DIP2B: variants seen among roughly 807,000 people sequenced by gnomAD.
DIP2B encodes disco-interacting protein 2 homolog B.
In DIP2B, 76 loss-of-function variants were observed where a neutral mutation model predicts 198.0. The ratio of observed to expected loss-of-function variants is 0.38; its 90% CI spans 0.32 to 0.46. The LOEUF (loss-of-function observed/expected upper bound fraction) is 0.46. DIP2B is among the 20% of genes least tolerant of loss of function. DIP2B has a pLI of 0.99. For missense variants in DIP2B, 1,559 were observed against 1,978.4 expected (o/e 0.79, Z 4.02); for synonymous variants, 701 against 739.1 (o/e 0.95, Z 0.84).
In DIP2B at chr12:50,572,239, T is replaced by C. The variant is rs527896679; in HGVS notation, c.101-53737T>C. 3.3e-5 allele frequency among the ~76,000 whole-genome samples: 5 copies of C among 152,340 alleles called. No homozygotes were observed. The South Asian group carries it at 1.0e-3, about 32-fold the overall frequency. ...TCTATTATGTGTTGATATAAAAATA[T>C]TATCCCCAGACTAAGACCACAGTTT... On this transcript the variant is annotated intron_variant, in intron 1 of 37. Transcript: ENST00000301180.
At position 50,665,946 on chromosome 12, in the gene DIP2B, G is replaced by A. The variant is rs149423514; in HGVS notation, c.428-5240G>A. Among the ~76,000 whole-genome samples, 15 of 152,278 alleles carry A rather than the reference G, an allele frequency of 9.9e-5. No homozygotes were observed. The East Asian group carries it at 2.7e-3, about 27-fold the overall frequency. On this transcript the variant is annotated intron_variant, in intron 4 of 37. Coordinates refer to ENST00000301180, the MANE Select transcript of DIP2B (RefSeq NM_173602.3). ...ACTTAGAATACCTGCTGATTTACCA[G>A]GTTGGGGAGTCTTTCCTAAATATTC...
intron 1 of DIP2B, among the ~76,000 whole-genome samples, chr12:50,546,626 T>G (rs1233052823): frequency 1.3e-5 from 2 of 152,224 alleles, no homozygotes; most frequent in African/African-American, 2.4e-5. Flanking sequence ...ACATTCTTGC[T>G]AGGATTAAAT....
At chr12:50,558,989 A>G (rs1958494702) in intron 1 of DIP2B, among the ~76,000 whole-genome samples, 1 of 152,196 alleles carries the variant, frequency 6.6e-6, no homozygotes, top group Non-Finnish European at 1.5e-5. Flanking sequence ...ATTTTCTGCA[A>G]GGGGAAAATA....
intron 1 of DIP2B, among the ~76,000 whole-genome samples, chr12:50,506,985 C>A (rs1044474326): frequency 2.0e-5 from 3 of 152,142 alleles, no homozygotes; most frequent in African/African-American, 7.2e-5. Context: ...ATATCTGCTT[C>A]CAGCTGATTG....
chr12:50,593,159 C>T (rs1365596349), intron 1 of DIP2B, among the ~76,000 whole-genome samples: 1 of 152,110 alleles, frequency 6.6e-6, no homozygotes, highest in Non-Finnish European at 1.5e-5. Context: ...TGTGTATAGC[C>T]CTAGACTTAA....
intron 26 of DIP2B, 92 bp downstream of exon 26, chr12:50,721,488 G>A: frequency 6.4e-7 from 1 of 1,554,154 alleles, no homozygotes; most frequent in South Asian, 1.2e-5. Context: ...TACTCTCTAT[G>A]ACTTGCAAGC....
chr12:50,591,632 T>C (rs994078239), intron 1 of DIP2B, among the ~76,000 whole-genome samples: 2 of 151,638 alleles, frequency 1.3e-5, no homozygotes, highest in Non-Finnish European at 2.9e-5. Context: ...TTCTTTCTTT[T>C]TTTTTTTAAT....
At chr12:50,590,346 C>T (rs1049216875) in intron 1 of DIP2B, among the ~76,000 whole-genome samples, 10 of 151,706 alleles carry the variant, frequency 6.6e-5, no homozygotes, top group African/African-American at 2.2e-4. Context: ...TAATTGAGGA[C>T]AGTTGTGGCC....
At chr12:50,644,867 A>T (rs187732576) in intron 3 of DIP2B, among the ~76,000 whole-genome samples, 29 of 152,328 alleles carry the variant, frequency 1.9e-4, no homozygotes, top group Admixed American at 1.6e-3. Context: ...CATATCATAT[A>T]TAAAAATGCT....
intron 1 of DIP2B, among the ~76,000 whole-genome samples, chr12:50,565,035 AT>A (rs1218224698): frequency 6.6e-6 from 1 of 151,808 alleles, no homozygotes; most frequent in African/African-American, 2.4e-5. Context: ...GACAGAGCTT[AT>A]TCTTTCACCC....
intron 1 of DIP2B, among the ~76,000 whole-genome samples, chr12:50,555,549 A>G (rs1018706670): frequency 7.9e-5 from 12 of 152,018 alleles, no homozygotes; most frequent in African/African-American, 2.7e-4. Flanking sequence ...GAGGCTGTGC[A>G]CTCATTCTGC....
intron 12 of DIP2B, 53 bp from the exon 13 acceptor site, chr12:50,690,996 T>A: frequency 6.6e-7 from 1 of 1,505,980 alleles, no homozygotes; most frequent in Non-Finnish European, 9.2e-7. Context: ...AGTTTTGTCA[T>A]CTGAAATAAC....
intron 1 of DIP2B, among the ~76,000 whole-genome samples, chr12:50,616,772 T>C (rs768011971): frequency 2.0e-5 from 3 of 152,204 alleles, no homozygotes; most frequent in Non-Finnish European, 2.9e-5. Flanking sequence ...GCAGCTGCTA[T>C]ATATATTGCA....
At chr12:50,599,719 C>T (rs535887068) in intron 1 of DIP2B, among the ~76,000 whole-genome samples, 2 of 152,282 alleles carry the variant, frequency 1.3e-5, no homozygotes, top group South Asian at 2.1e-4. Flanking sequence ...ACCAGCTATT[C>T]GTATAATATA....
At position 50,539,618 on chromosome 12, in the gene DIP2B, C is replaced by CAAAA. The variant is rs59642964; in HGVS notation, c.100+34391_100+34394dup. 3.7e-3 allele frequency among the ~76,000 whole-genome samples: 487 copies of CAAAA among 132,836 alleles called. 10 individuals are homozygous for CAAAA. Among genetic ancestry groups the CAAAA allele is most frequent in the African/African-American group, 0.011 (386 of 35,740 alleles). 87.1% of individuals were successfully genotyped at this position (132,836 alleles called of 152,430 possible). A position where few individuals can be genotyped will look rare whatever the true frequency, so the allele number is the denominator to read the frequency against. ...GCAACAAGAGTGAAATACTCTGTCTCAAAAAAAAAAAAAAAAGTATCCACA... is the reference window on the plus strand; with the variant it reads ...GCAACAAGAGTGAAATACTCTGTCTCAAAAAAAAAAAAAAAAAAAAGTATCCACA... On this transcript the variant is annotated intron_variant, in intron 1 of 37. Transcript: ENST00000301180.
In DIP2B at chr12:50,505,128, T is replaced by C; in HGVS notation, c.-13T>C. 1.3e-6 allele frequency: 2 copies of C among 1,530,352 alleles called. No individual in the cohort carries two copies. The highest frequency in any genetic ancestry group is 1.7e-6 in the Non-Finnish European group (2 of 1,143,346). The allele number at this position is 1,530,352 out of a possible 1,614,324, so 94.8% of individuals were successfully genotyped here. On this transcript the variant is annotated 5_prime_UTR_variant, in exon 1 of 38. Coordinates refer to ENST00000301180, the MANE Select transcript of DIP2B (RefSeq NM_173602.3). ...CCTCTCTTGTCTTCCGGAGTGTGGC[T>C]GGCGGAGCTGGGATGGCGGAACGAG...
chr12:50,513,963 T>A (rs927719853), intron 1 of DIP2B, among the ~76,000 whole-genome samples: 6 of 152,144 alleles, frequency 3.9e-5, no homozygotes, highest in Non-Finnish European at 5.9e-5. Context: ...TTAATTGGTC[T>A]GATTGTAGTC....
At chr12:50,623,338 A>C (rs1305247605) in intron 1 of DIP2B, among the ~76,000 whole-genome samples, 1 of 149,474 alleles carries the variant, frequency 6.7e-6, no homozygotes, top group African/African-American at 2.5e-5. Flanking sequence ...ACACCACTGC[A>C]CTCCCTCCAG....
intron 3 of DIP2B, among the ~76,000 whole-genome samples, chr12:50,648,108 C>T (rs552213798): frequency 3.9e-5 from 6 of 151,912 alleles, no homozygotes; most frequent in Middle Eastern, 3.4e-3. Context: ...TCCAACACTC[C>T]GTCTCAAAAA....
Sources: gnomAD v4.1 joint callset for allele counts (sites outside exome capture counted in the v4.1 genomes callset) on GRCh38, gnomAD v4.1.1 for gene constraint, MANE v1.5 for transcripts, NCBI Gene and HGNC (gene_info 2026-07-23, HGNC 2026-07-21) for gene names.